PARD3B: variants seen among roughly 807,000 people sequenced by gnomAD.
PARD3B encodes partitioning defective 3 homolog B.
A neutral mutation model predicts 130.2 loss-of-function variants in PARD3B; 103 were observed. That is an observed-to-expected ratio of 0.79 (90% CI 0.67 to 0.93). PARD3B has a LOEUF of 0.93. PARD3B is among the 40% of genes least tolerant of loss of function. PARD3B has a pLI of 0.00. For synonymous variants in PARD3B, 583 were observed against 553.2 expected, an observed-to-expected ratio of 1.05 and a Z score of -0.76; for missense variants, 1,609 against 1,499.2, an observed-to-expected ratio of 1.07 and a Z score of -1.21.
intron 2 of PARD3B, among the ~76,000 whole-genome samples, chr2:204,956,856 G>C (rs528579925): frequency 6.6e-6 from 1 of 152,132 alleles, no homozygotes; most frequent in East Asian, 1.9e-4. Context: ...GTGTTATTCT[G>C]TGATGCTTGA....
rs55688873 is a variant in PARD3B at position 204,838,349 on chromosome 2, A to ATGTGTGTGTG, written c.223-126771_223-126762dup. 9.5e-3 allele frequency among the ~76,000 whole-genome samples: 1,290 copies of ATGTGTGTGTG among 135,394 alleles called. 17 individuals are homozygous for ATGTGTGTGTG. The highest frequency in any genetic ancestry group is 0.032 in the African/African-American group (1,187 of 36,848). 88.8% of individuals were successfully genotyped at this position (135,394 alleles called of 152,430 possible). On this transcript the variant is annotated intron_variant, in intron 2 of 22. Transcript: ENST00000406610. Reference sequence around the variant, plus strand: ...AGGCACCCGCCACCATACCTGGCTAATGTGTGTGTGTGTGTGTGTGTGTGT... The same window carrying ATGTGTGTGTG: ...AGGCACCCGCCACCATACCTGGCTAATGTGTGTGTGTGTGTGTGTGTGTGTGTGTGTGTGT...
chr2:205,187,277 C>T lies in PARD3B; in HGVS notation c.2024+1414C>T, dbSNP rs576955659. ...AGCAGCAGAAGAAACAGCATAGAGA[C>T]GGGAGAGTAAATTGAATTGTACAAG... On this transcript the variant is annotated intron_variant, in intron 14 of 22. Transcript: ENST00000406610. This position sits in a 1 kb window ranked among gnomAD's most constrained non-coding sequence, Gnocchi z 4.9. Among the ~76,000 whole-genome samples the T allele has an allele frequency of 4.0e-4, 61 of 152,162 alleles. No homozygotes were observed. The highest frequency in any genetic ancestry group is 2.1e-3 in the South Asian group (10 of 4,808).
intron 3 of PARD3B, among the ~76,000 whole-genome samples, chr2:205,024,661 T>C (rs986500436): frequency 8.5e-5 from 13 of 152,228 alleles, no homozygotes; most frequent in Admixed American, 2.6e-4. Flanking sequence ...AAGAAGCCAA[T>C]TGATGTGGGT....
At chr2:204,856,897 G>A (rs1348913675) in intron 2 of PARD3B, among the ~76,000 whole-genome samples, 1 of 151,988 alleles carries the variant, frequency 6.6e-6, no homozygotes, top group Non-Finnish European at 1.5e-5. Context: ...TCTGTTTTAT[G>A]CCATCCAGTA....
At chr2:205,050,866 A>G (rs748382741) in intron 4 of PARD3B, among the ~76,000 whole-genome samples, 3 of 152,130 alleles carry the variant, frequency 2.0e-5, no homozygotes, top group Non-Finnish European at 4.4e-5. Context: ...TGAGCCTCAC[A>G]TCATCTCTTG....
intron 1 of PARD3B, among the ~76,000 whole-genome samples, chr2:204,660,168 T>C (rs2035756958): frequency 6.6e-6 from 1 of 152,216 alleles, no homozygotes; most frequent in African/African-American, 2.4e-5. Flanking sequence ...CAAATGTTTA[T>C]TGAGTATAGA....
chr2:204,893,036 G>A (rs2046506412), intron 2 of PARD3B, among the ~76,000 whole-genome samples: 1 of 152,170 alleles, frequency 6.6e-6, no homozygotes. Flanking sequence ...AGACCACTTA[G>A]GGAGTGAATG....
At chr2:205,322,889 C>CTTTTTTTTTTTTTTTTTTTTTT (rs71032461) in intron 18 of PARD3B, among the ~76,000 whole-genome samples, 1 of 51,468 alleles carries the variant, frequency 1.9e-5, no homozygotes, top group Non-Finnish European at 3.8e-5. Context: ...ATTAACACCT[C>CTTTTTTTTTTTTTTTTTTTTTT]TTTTTTTTTT....
At chr2:205,570,746 C>T (rs745719973) in intron 22 of PARD3B, among the ~76,000 whole-genome samples, 2 of 152,106 alleles carry the variant, frequency 1.3e-5, no homozygotes, top group East Asian at 1.9e-4. Flanking sequence ...TGTGTTCACC[C>T]GTGCTACCTA....
At chr2:205,615,253 T>G (rs1383559051) in intron 22 of PARD3B, among the ~76,000 whole-genome samples, 1 of 151,778 alleles carries the variant, frequency 6.6e-6, no homozygotes, top group East Asian at 1.9e-4. Context: ...CCTAAGATGG[T>G]TTTTCTGCTG....
rs528235645 is a variant in PARD3B at position 205,300,272 on chromosome 2, T to C, written c.2186-258T>C. 6.6e-6 allele frequency among the ~76,000 whole-genome samples: 1 copy of C among 152,324 alleles called. No homozygotes were observed. Among genetic ancestry groups the C allele is most frequent in the South Asian group, 2.1e-4 (1 of 4,822 alleles). ...ATATGCCTATAGACACACATGCATA[T>C]ACACTTCTGCATAGAGAGAAATGTA... On this transcript the variant is annotated intron_variant, in intron 16 of 22. Transcript: ENST00000406610. The surrounding 1 kb of genome is among the most constrained non-coding windows in gnomAD (Gnocchi z 4.1).
At chr2:205,364,169 T>G (rs1173842419) in intron 18 of PARD3B, among the ~76,000 whole-genome samples, 3 of 152,218 alleles carry the variant, frequency 2.0e-5, no homozygotes, top group Non-Finnish European at 4.4e-5. Flanking sequence ...ATTTGTCTAT[T>G]GACTTTATTC....
intron 20 of PARD3B, among the ~76,000 whole-genome samples, chr2:205,465,591 C>T (rs1347930681): frequency 2.6e-5 from 4 of 152,150 alleles, no homozygotes; most frequent in Non-Finnish European, 5.9e-5. Context: ...CCCAGGTCAA[C>T]GGCAGCTCTT....
At chr2:204,913,787 A>G (rs1163437610) in intron 2 of PARD3B, among the ~76,000 whole-genome samples, 4 of 152,194 alleles carry the variant, frequency 2.6e-5, no homozygotes, top group African/African-American at 9.7e-5. Context: ...ATTTTGTTCA[A>G]TGTATGTGTA....
chr2:205,228,799 A>T (rs980383785), intron 15 of PARD3B, among the ~76,000 whole-genome samples: 2 of 142,046 alleles, frequency 1.4e-5, no homozygotes, highest in Non-Finnish European at 3.1e-5. Flanking sequence ...TTGTTTTTTT[A>T]TTCTTTTTAT....
intron 2 of PARD3B, among the ~76,000 whole-genome samples, chr2:204,877,359 C>A (rs1353317814): frequency 6.6e-6 from 1 of 151,986 alleles, no homozygotes; most frequent in Admixed American, 6.6e-5. Context: ...AACAAACCTG[C>A]ACGTTGTGCA....
chr2:205,391,898 C>T (rs548818760), intron 18 of PARD3B, among the ~76,000 whole-genome samples: 28 of 151,974 alleles, frequency 1.8e-4, no homozygotes, highest in African/African-American at 6.8e-4. Flanking sequence ...TTAATAATCT[C>T]AGAGTACAGT....
intron 3 of PARD3B, among the ~76,000 whole-genome samples, chr2:204,990,691 C>T (rs1394311338): frequency 6.6e-6 from 1 of 152,054 alleles, no homozygotes; most frequent in Middle Eastern, 3.2e-3. Context: ...GACTTGTCTT[C>T]TCTTCCTGTA....
intron 15 of PARD3B, among the ~76,000 whole-genome samples, chr2:205,214,615 T>G (rs985867157): frequency 2.0e-5 from 3 of 152,128 alleles, no homozygotes; most frequent in African/African-American, 7.2e-5. Flanking sequence ...TGCAAATTTT[T>G]ATCTGCAAAG....
Sources: gnomAD v4.1 joint callset for allele counts (sites outside exome capture counted in the v4.1 genomes callset) on GRCh38, gnomAD v4.1.1 for gene constraint, Gnocchi (gnomAD v3.1) non-coding constraint, MANE v1.5 for transcripts, NCBI Gene and HGNC (gene_info 2026-07-23, HGNC 2026-07-21) for gene names.